Variants in TCTN3 observed in about 807,000 individuals in gnomAD.
The protein encoded by TCTN3 is tectonic-3.
TCTN3 carries 57 observed loss-of-function variants against 71.3 expected under a neutral mutation model. The observed-to-expected ratio is 0.80, with a 90% confidence interval of 0.65 to 1.00. TCTN3 has a LOEUF of 1.00. Among genes scored for constraint, TCTN3 ranks in the 50% least tolerant of loss-of-function variants. TCTN3 has a pLI of 0.00. For missense variants in TCTN3, 696 were observed against 719.9 expected, an observed-to-expected ratio of 0.97 and a Z score of 0.38; for synonymous variants, 258 against 267.8, an observed-to-expected ratio of 0.96 and a Z score of 0.36.
intron 3 of TCTN3, among the ~76,000 whole-genome samples, chr10:95,689,760 A>G (rs554302794): frequency 2.0e-5 from 3 of 152,342 alleles, no homozygotes; most frequent in Admixed American, 2.0e-4. Context: ...TTAGATTTCT[A>G]TTACAATTTC....
chr10:95,675,100 T>G (rs1282151527), intron 13 of TCTN3, among the ~76,000 whole-genome samples: 5 of 152,198 alleles, frequency 3.3e-5, no homozygotes, highest in African/African-American at 1.2e-4. Flanking sequence ...GTTATATGTT[T>G]TATTTTATTT....
intron 3 of TCTN3, among the ~76,000 whole-genome samples, chr10:95,690,621 C>T (rs1184404738): frequency 6.6e-6 from 1 of 152,144 alleles, no homozygotes; most frequent in Non-Finnish European, 1.5e-5. Flanking sequence ...TCAGCCAAAG[C>T]AGAGGGTCAA....
chr10:95,677,473 A>ACATTTTTTTTTTT lies in TCTN3; in HGVS notation c.1590+2998_1590+2999insAAAAAAAAAAATG, dbSNP rs57706369. Among the ~76,000 whole-genome samples, 6 of 24,114 alleles carry ACATTTTTTTTTTT rather than the reference A, an allele frequency of 2.5e-4. 2 individuals carry two copies. The highest frequency in any genetic ancestry group is 4.8e-4 in the Non-Finnish European group (5 of 10,416). 15.8% of individuals were successfully genotyped at this position (24,114 alleles called of 152,430 possible). A position where few individuals can be genotyped will look rare whatever the true frequency, so the allele number is the denominator to read the frequency against. On this transcript the variant is annotated intron_variant, in intron 13 of 13. Coordinates refer to ENST00000371217, the MANE Select transcript of TCTN3 (RefSeq NM_015631.6). ...CATACAAGAAGATAGTGAAGTCTACAGTTTTTTTTGTTTTTTTTTTTTTTT... is the reference window on the plus strand; with the variant it reads ...CATACAAGAAGATAGTGAAGTCTACACATTTTTTTTTTTGTTTTTTTTGTTTTTTTTTTTTTTT...
At position 95,682,775 on chromosome 10, in the gene TCTN3, T is replaced by C; in HGVS notation, c.1328A>G (p.Gln443Arg). The change falls in exon 12 of 14, where the codon CAG (glutamine) becomes CGG (arginine). Residue 443 changes from glutamine (Q) to arginine (R), a missense_variant. Physicochemically the swap from Gln to Arg is conservative, Grantham distance 43. Transcript: ENST00000371217. ...ATGAAGAGTCTGATAAATCTCCTGC[T>C]GCAAGTGGCTGCAGTCTGCCTTCTT... ...RLKKADCSHL[Q>R]QEIYQTLHGR... 3 of 1,614,090 alleles carry C rather than the reference T, an allele frequency of 1.9e-6. No individual in the cohort carries two copies. Among genetic ancestry groups the C allele is most frequent in the Non-Finnish European group, 2.5e-6 (3 of 1,179,972 alleles).
At chr10:95,693,267 A>C (rs906886516) in intron 2 of TCTN3, 86 bp downstream of exon 2, 24 of 1,525,046 alleles carry the variant, frequency 1.6e-5, no homozygotes, top group Middle Eastern at 3.4e-4. Context: ...GGTGGGAGGC[A>C]CAAAGACTAA....
At chr10:95,676,427 A>C (rs887117847) in intron 13 of TCTN3, among the ~76,000 whole-genome samples, 2 of 151,372 alleles carry the variant, frequency 1.3e-5, no homozygotes, top group Non-Finnish European at 2.9e-5. Context: ...TTGGTCTTGA[A>C]CTCCTGAACT....
intron 13 of TCTN3, among the ~76,000 whole-genome samples, chr10:95,672,104 C>T (rs939950575): frequency 8.1e-6 from 1 of 123,956 alleles, no homozygotes; most frequent in Non-Finnish European, 1.7e-5. Context: ...ATTCTCTGTC[C>T]CTTTCCCAGA....
At position 95,693,927 on chromosome 10, in the gene TCTN3, G is replaced by C. The variant is rs763943685; in HGVS notation, c.-28C>G. On this transcript the variant is annotated 5_prime_UTR_variant, in exon 1 of 14. Transcript: ENST00000371217. ...GGCATTCAGGGCCTCCGGGTCCGAC[G>C]TAGGCCTCCGCGGTCTCCAATCGCA... The C allele has an allele frequency of 2.1e-5, 33 of 1,551,236 alleles. No homozygotes were observed. In the African/African-American group the frequency reaches 3.6e-4, roughly 17 times the overall value.
intron 13 of TCTN3, among the ~76,000 whole-genome samples, chr10:95,668,370 T>G (rs184369967): frequency 6.6e-6 from 1 of 151,604 alleles, no homozygotes; most frequent in African/African-American, 2.4e-5. Flanking sequence ...TTTGGTATAA[T>G]GAATGAAGAA....
intron 13 of TCTN3, among the ~76,000 whole-genome samples, chr10:95,679,581 TTC>T (rs2097940740): frequency 7.1e-6 from 1 of 140,724 alleles, no homozygotes; most frequent in Non-Finnish European, 1.5e-5. Flanking sequence ...ACCTAGTCAT[TTC>T]TTTTTTTTTT....
At chr10:95,693,265 G>A in intron 2 of TCTN3, 88 bp downstream of exon 2, 3 of 1,517,960 alleles carry the variant, frequency 2.0e-6, no homozygotes, top group Non-Finnish European at 2.7e-6. Flanking sequence ...CGGGTGGGAG[G>A]CACAAAGACT....
chr10:95,676,592 T>C (rs140509250), intron 13 of TCTN3, among the ~76,000 whole-genome samples: 273 of 152,312 alleles, frequency 1.8e-3, no homozygotes, highest in Admixed American at 3.1e-3. Context: ...CATAAAACTT[T>C]TGTGTCTATT....
chr10:95,666,244 T>TTC (rs1183375209), intron 13 of TCTN3, among the ~76,000 whole-genome samples: 2 of 150,980 alleles, frequency 1.3e-5, no homozygotes, highest in African/African-American at 4.9e-5. Flanking sequence ...CCCAGCCTTT[T>TTC]TTTTTTTTTT....
At chr10:95,681,130 C>T (rs2097942594) in intron 12 of TCTN3, among the ~76,000 whole-genome samples, 1 of 150,966 alleles carries the variant, frequency 6.6e-6, no homozygotes, top group South Asian at 2.1e-4. Context: ...GGCTGGAGTA[C>T]AGTGGTGTGA....
chr10:95,683,267 T>C, intron 10 of TCTN3, 72 bp from the exon 11 acceptor site: 1 of 1,545,496 alleles, frequency 6.5e-7, no homozygotes, highest in Non-Finnish European at 8.8e-7. Flanking sequence ...AAAATTTATG[T>C]TCTCATTCTC....
intron 9 of TCTN3, among the ~76,000 whole-genome samples, chr10:95,683,855 T>C (rs1345047226): frequency 6.6e-6 from 1 of 152,180 alleles, no homozygotes; most frequent in Non-Finnish European, 1.5e-5. Flanking sequence ...AATACGCTAC[T>C]TTTACCAAGG....
At chr10:95,683,652 T>A in intron 9 of TCTN3, 23 bp from the exon 10 acceptor site, 2 of 1,582,006 alleles carry the variant, frequency 1.3e-6, no homozygotes, top group Non-Finnish European at 1.7e-6. Context: ...GGAAGAGAAG[T>A]CAATTATGGA....
In TCTN3 at chr10:95,683,170, T is replaced by G; in HGVS notation, c.1229A>C (p.Asn410Thr). 1 of 1,614,078 alleles carries G rather than the reference T, an allele frequency of 6.2e-7. No homozygotes were observed. The change falls in exon 11 of 14, where the codon AAT becomes ACT. Residue 410 changes from asparagine (N) to threonine (T), a missense_variant. Physicochemically the swap from Asn to Thr is moderately conservative, Grantham distance 65 (BLOSUM62 0). Coordinates refer to ENST00000371217, the MANE Select transcript of TCTN3 (RefSeq NM_015631.6). ...YSMTLLQSQG[N>T]GSCSVKRHEV... is the part of the protein sequence containing the mutation. ...ATGTCTTTTAACAGAGCAACTTCCA[T>G]TACCCTGGCTCTGTAAGAGGGTCAT...
At position 95,687,278 on chromosome 10, in the gene TCTN3, A is replaced by G. The variant is rs1251898935; in HGVS notation, c.705T>C (p.Ala235=). The change falls in exon 5 of 14, where the codon GCT becomes GCC. Residue 235 remains alanine, a synonymous_variant. Transcript: ENST00000371217. The part of the protein sequence containing the change: ...SLLRQPAGVG[A]GGLCAESNPA... ...GATTGCTTTCAGCACAGAGTCCCCC[A>G]GCTCCAACTCCTGCAGGTTGTCTCA... 6.2e-7 allele frequency: 1 copy of G among 1,614,054 alleles called. No homozygotes were observed. The highest frequency in any genetic ancestry group is 1.3e-5 in the African/African-American group (1 of 74,934).
Sources: allele counts gnomAD v4.1 joint callset (sites outside exome capture counted in the v4.1 genomes callset), GRCh38; gene constraint gnomAD v4.1.1; transcripts MANE v1.5; gene names NCBI Gene and HGNC (gene_info 2026-07-23, HGNC 2026-07-21).